The following ZRANB3 variants were observed in gnomAD, a reference collection of about 807,000 sequenced individuals.
ZRANB3 encodes DNA annealing helicase and endonuclease ZRANB3.
Under a neutral mutation model 133.8 loss-of-function variants are expected in ZRANB3, and 125 were observed. That is an observed-to-expected ratio of 0.93 (90% CI 0.81 to 1.08). The LOEUF (loss-of-function observed/expected upper bound fraction) is 1.08, where lower values mean the gene tolerates loss of function less well. Among genes scored for constraint, ZRANB3 ranks in the 50% least tolerant of loss-of-function variants. The pLI is 0.00. For missense variants in ZRANB3, 1,229 were observed against 1,275.5 expected, an observed-to-expected ratio of 0.96 and a Z score of 0.56; for synonymous variants, 387 against 432.7, an observed-to-expected ratio of 0.89 and a Z score of 1.31.
At position 135,275,708 on chromosome 2, in the gene ZRANB3, C is replaced by T. The variant is rs775134830; in HGVS notation, c.1014G>A (p.Ser338=). ...GGTGAGCAAAAACCAGAAATTTAAG[C>T]GAATCATTCTGAAGCATCATCTTAA... ...DYIKMMLQND[S]LKFLVFAHHL... Residue 338 remains serine, a synonymous_variant, in exon 9 of 21, where the codon TCG becomes TCA. Coordinates refer to ENST00000264159, the MANE Select transcript of ZRANB3 (RefSeq NM_032143.4). 4.2e-5 allele frequency: 68 copies of T among 1,605,036 alleles called. No homozygotes were observed. The highest frequency in any genetic ancestry group is 1.8e-4 in the East Asian group (8 of 44,552).
At chr2:135,212,243 G>A (rs1056484910) in intron 17 of ZRANB3, among the ~76,000 whole-genome samples, 1 of 152,104 alleles carries the variant, frequency 6.6e-6, no homozygotes, top group Non-Finnish European at 1.5e-5. Context: ...TCTTTTACTT[G>A]CCCTTTTAGT....
intron 1 of ZRANB3, chr2:135,511,409 A>C: frequency 3.7e-6 from 3 of 812,632 alleles, no homozygotes; most frequent in Non-Finnish European, 6.7e-6. Context: ...CATTACTGAC[A>C]ACTGCCTGAT....
At chr2:135,348,673 C>A (rs961132074) in intron 5 of ZRANB3, among the ~76,000 whole-genome samples, 1 of 152,194 alleles carries the variant, frequency 6.6e-6, no homozygotes, top group African/African-American at 2.4e-5. Context: ...CAGCTCACTG[C>A]AACCTCTGCC....
chr2:135,458,166 A>G (rs927913106), intron 2 of ZRANB3, among the ~76,000 whole-genome samples: 6 of 152,084 alleles, frequency 3.9e-5, no homozygotes, highest in African/African-American at 7.2e-5. Context: ...CTCTCCCCCA[A>G]TGAGTAAGCA....
chr2:135,509,934 G>A (rs1559046049), intron 1 of ZRANB3, among the ~76,000 whole-genome samples: 1 of 151,750 alleles, frequency 6.6e-6, no homozygotes, highest in Non-Finnish European at 1.5e-5. Flanking sequence ...GTAAAAACAG[G>A]TTTTAGAAGT....
intron 17 of ZRANB3, 98 bp from the exon 18 acceptor site, chr2:135,209,076 A>T: frequency 8.7e-7 from 1 of 1,151,468 alleles, no homozygotes; most frequent in Non-Finnish European, 1.2e-6. Context: ...TAGAAGAAAA[A>T]GCAAGCACAA....
At position 135,197,934 on chromosome 2, in the gene ZRANB3, ACAAG is replaced by A. The variant is rs1316603529; in HGVS notation, c.*2404_*2407del. The A allele has an allele frequency of 6.6e-6, 1 of 152,524 alleles. No homozygotes were observed. The highest frequency in any genetic ancestry group is 1.5e-5 in the Non-Finnish European group (1 of 68,338). 9.4% of individuals were successfully genotyped at this position (152,524 alleles called of 1,614,324 possible). A position where few individuals can be genotyped will look rare whatever the true frequency, so the allele number is the denominator to read the frequency against. On this transcript the variant is annotated 3_prime_UTR_variant, in exon 21 of 21. Transcript: ENST00000264159. ...CTCAGCCTCCTGTGTAGCTAGGACTACAAGCAAGTGCCATCATACCTGGCCAGAG... is the reference window on the plus strand; with the variant it reads ...CTCAGCCTCCTGTGTAGCTAGGACTACAAGTGCCATCATACCTGGCCAGAG...
At chr2:135,408,564 T>C (rs1688153532) in intron 2 of ZRANB3, among the ~76,000 whole-genome samples, 1 of 152,098 alleles carries the variant, frequency 6.6e-6, no homozygotes, top group Admixed American at 6.5e-5. Flanking sequence ...AGCAAAGACT[T>C]GGAACCAACC....
chr2:135,358,793 T>C (rs1685548588), intron 3 of ZRANB3, among the ~76,000 whole-genome samples: 1 of 152,110 alleles, frequency 6.6e-6, no homozygotes. Flanking sequence ...TTTTTGATGT[T>C]TACATGCAAG....
chr2:135,271,310 T>C (rs1393712785), intron 10 of ZRANB3: 2 of 471,150 alleles, frequency 4.2e-6, no homozygotes. Context: ...CCTTCAAACT[T>C]AATCCTAAGG....
chr2:135,295,087 G>A lies in ZRANB3; in HGVS notation c.966+18402C>T, dbSNP rs532176857. Among the ~76,000 whole-genome samples, 32 of 152,286 alleles carry A rather than the reference G, an allele frequency of 2.1e-4. No homozygotes were observed. In the South Asian group the frequency reaches 5.6e-3, roughly 27 times the overall value. On this transcript the variant is annotated intron_variant, in intron 8 of 20. Transcript: ENST00000264159. ...ATGTATATTCTGTTGATTTGGGGTG[G>A]AGAGTTCTGTAGATGTCTATTAGGT...
intron 4 of ZRANB3, among the ~76,000 whole-genome samples, chr2:135,352,636 G>A (rs1013599377): frequency 1.3e-4 from 19 of 151,948 alleles, no homozygotes; most frequent in African/African-American, 1.9e-4. Context: ...TTCCACATTC[G>A]TAAGACAACT....
chr2:135,485,983 A>T (rs753441019), intron 2 of ZRANB3, among the ~76,000 whole-genome samples: 9 of 152,236 alleles, frequency 5.9e-5, no homozygotes, highest in Non-Finnish European at 1.2e-4. Context: ...ATCAATTATT[A>T]TTAACCATGT....
intron 14 of ZRANB3, among the ~76,000 whole-genome samples, chr2:135,225,810 A>AC (rs2105061559): frequency 6.6e-6 from 1 of 152,338 alleles, no homozygotes; most frequent in African/African-American, 2.4e-5. Flanking sequence ...TGGAGGAATA[A>AC]CCAAAATATC....
chr2:135,460,532 G>T (rs1690718291), intron 2 of ZRANB3, among the ~76,000 whole-genome samples: 1 of 152,100 alleles, frequency 6.6e-6, no homozygotes, highest in Non-Finnish European at 1.5e-5. Context: ...CTCCTAAAGT[G>T]CTGGGATTGC....
chr2:135,480,584 T>G (rs1445684857), intron 2 of ZRANB3, among the ~76,000 whole-genome samples: 1 of 152,110 alleles, frequency 6.6e-6, no homozygotes, highest in Admixed American at 6.5e-5. Context: ...GCAAAAGCCT[T>G]AAATACTACA....
In ZRANB3 at chr2:135,271,807, G is replaced by A; in HGVS notation, c.1167C>T (p.Asp389=). The change falls in exon 10 of 21, where the codon GAC becomes GAT. Residue 389 remains aspartate, a synonymous_variant. Transcript: ENST00000264159. ...GAATGCTTAGGATAGCCACGCGAGT[G>A]TCAGGATCCTTTTGAAACTGATTAA... The part of the protein sequence containing the change: ...HLVNQFQKDP[D]TRVAILSIQA... 2 of 1,613,746 alleles carry A rather than the reference G, an allele frequency of 1.2e-6. No individual in the cohort carries two copies. The highest frequency in any genetic ancestry group is 1.1e-5 in the South Asian group (1 of 91,030).
At chr2:135,383,158 G>A (rs1412843515) in intron 3 of ZRANB3, among the ~76,000 whole-genome samples, 3 of 151,760 alleles carry the variant, frequency 2.0e-5, no homozygotes, top group African/African-American at 7.3e-5. Flanking sequence ...GATCTACCAA[G>A]CAAATGGAAA....
intron 2 of ZRANB3, among the ~76,000 whole-genome samples, chr2:135,453,553 A>G (rs1027192617): frequency 6.6e-6 from 1 of 152,124 alleles, no homozygotes; most frequent in Non-Finnish European, 1.5e-5. Context: ...TCCGCCAGAT[A>G]CCCTAACTCA....
Sources: allele counts gnomAD v4.1 joint callset (sites outside exome capture counted in the v4.1 genomes callset), GRCh38; gene constraint gnomAD v4.1.1; transcripts MANE v1.5; gene names NCBI Gene and HGNC (gene_info 2026-07-23, HGNC 2026-07-21).